BAZ1A: variants seen among roughly 807,000 people sequenced by gnomAD.
The protein encoded by BAZ1A is bromodomain adjacent to zinc finger domain protein 1A.
In BAZ1A, 50 loss-of-function variants were observed where a neutral mutation model predicts 185.2. The observed-to-expected ratio is 0.27, with a 90% confidence interval of 0.22 to 0.34. The LOEUF (loss-of-function observed/expected upper bound fraction) is 0.34. BAZ1A is among the 10% of genes least tolerant of loss of function. BAZ1A has a pLI of 1.00. For synonymous variants in BAZ1A, 571 were observed against 615.6 expected (o/e 0.93, Z 1.07); for missense variants, 1,356 against 1,839.9 (o/e 0.74, Z 4.81).
chr14:34,817,230 A>AC (rs775899899), intron 4 of BAZ1A, among the ~76,000 whole-genome samples: 13,364 of 147,462 alleles, frequency 0.091, 651 homozygotes, highest in East Asian at 0.14. Context: ...AAATCAATAC[A>AC]CCCCCCCCCA....
At chr14:34,796,277 G>C (rs1289708445) in intron 9 of BAZ1A, among the ~76,000 whole-genome samples, 1 of 152,136 alleles carries the variant, frequency 6.6e-6, no homozygotes, top group Non-Finnish European at 1.5e-5. Context: ...AACCCGGGAG[G>C]AGAGGGTTGG....
At chr14:34,756,176 C>T (rs867190811) in intron 25 of BAZ1A, among the ~76,000 whole-genome samples, 4 of 148,534 alleles carry the variant, frequency 2.7e-5, no homozygotes, top group Admixed American at 1.3e-4. Context: ...TGCAGTGGCA[C>T]GATCTCGGCT....
At chr14:34,860,691 G>A (rs1342384464) in intron 3 of BAZ1A, among the ~76,000 whole-genome samples, 2 of 151,960 alleles carry the variant, frequency 1.3e-5, no homozygotes, top group East Asian at 3.9e-4. Flanking sequence ...TGGATCACCT[G>A]AGGACAGGAG....
intron 25 of BAZ1A, among the ~76,000 whole-genome samples, chr14:34,757,731 T>A (rs1006578407): frequency 2.6e-4 from 36 of 141,012 alleles, no homozygotes; most frequent in African/African-American, 8.8e-4. Flanking sequence ...GCTGTCTAAC[T>A]CTATTGTTTT....
intron 7 of BAZ1A, among the ~76,000 whole-genome samples, chr14:34,801,921 A>AAG (rs1478862284): frequency 1.3e-5 from 2 of 151,412 alleles, no homozygotes; most frequent in Non-Finnish European, 2.9e-5. Flanking sequence ...AAAAAAAAAA[A>AAG]GTGTTACTGA....
chr14:34,839,324 T>C (rs2042376416), intron 3 of BAZ1A, among the ~76,000 whole-genome samples: 2 of 151,784 alleles, frequency 1.3e-5, no homozygotes, highest in Admixed American at 6.6e-5. Flanking sequence ...GGCAGGTGGA[T>C]TGCTTGAGCT....
chr14:34,825,132 T>TAA (rs112376703), intron 4 of BAZ1A, among the ~76,000 whole-genome samples: 1,598 of 152,176 alleles, frequency 0.011, 30 homozygotes, highest in African/African-American at 0.037. Context: ...GAATGACTGT[T>TAA]AAAGTACAGA....
intron 12 of BAZ1A, among the ~76,000 whole-genome samples, chr14:34,791,915 CCTA>C (rs1318822405): frequency 6.6e-6 from 1 of 152,140 alleles, no homozygotes; most frequent in East Asian, 1.9e-4. Flanking sequence ...AAGAATTATT[CCTA>C]CATTAACACG....
At chr14:34,788,077 G>C (rs1216535539) in intron 12 of BAZ1A, among the ~76,000 whole-genome samples, 1 of 151,388 alleles carries the variant, frequency 6.6e-6, no homozygotes, top group Non-Finnish European at 1.5e-5. Flanking sequence ...GGAGTGCAGT[G>C]GCGCAGTCTT....
intron 12 of BAZ1A, among the ~76,000 whole-genome samples, chr14:34,790,856 G>T: frequency 6.6e-6 from 1 of 152,178 alleles, no homozygotes; most frequent in Non-Finnish European, 1.5e-5. Context: ...TGGGTGCGGT[G>T]TCTCAAGCTT....
At chr14:34,850,554 A>C (rs574010927) in intron 3 of BAZ1A, among the ~76,000 whole-genome samples, 3 of 152,330 alleles carry the variant, frequency 2.0e-5, no homozygotes, top group African/African-American at 7.2e-5. Context: ...TTTCCTATCC[A>C]GTTTTAGATT....
intron 9 of BAZ1A, among the ~76,000 whole-genome samples, chr14:34,798,408 G>A (rs536010824): frequency 8.5e-5 from 13 of 152,342 alleles, no homozygotes; most frequent in African/African-American, 2.9e-4. Flanking sequence ...GCCTAACTGG[G>A]AGACACCTCC....
chr14:34,808,703 T>C (rs1274433361), intron 5 of BAZ1A, among the ~76,000 whole-genome samples: 1 of 152,164 alleles, frequency 6.6e-6, no homozygotes, highest in Non-Finnish European at 1.5e-5. Flanking sequence ...AAAATTAATA[T>C]TCTAAAACAT....
rs1233409723 is a variant in BAZ1A at position 34,785,854 on chromosome 14, G to C, written c.1754C>G (p.Ala585Gly). The change falls in exon 14 of 27, where the codon GCT becomes GGT. Residue 585 changes from alanine to glycine, a missense_variant. Ala to Gly is a moderately conservative substitution (Grantham distance 60). Around this residue, in one of 7 missense-constraint regions of BAZ1A, gnomAD observed 184 missense variants for 355.1 expected, o/e 0.52. Transcript: ENST00000360310. ...KRGGFDATDD[A>G]CMELRLSNPS... ...ATTGCTCAAACGAAGCTCCATACAA[G>C]CATCATCTGTAGCATCAAATCCTCC... 6.2e-7 allele frequency: 1 copy of C among 1,613,912 alleles called. No homozygotes were observed. The highest frequency in any genetic ancestry group is 8.5e-7 in the Non-Finnish European group (1 of 1,180,030).
rs542597557 is a variant in BAZ1A, at chr14:34,835,701, T to A, written c.393-9545A>T. 2.0e-5 allele frequency among the ~76,000 whole-genome samples: 3 copies of A among 151,498 alleles called. No individual in the cohort carries two copies. In the South Asian group the frequency reaches 6.3e-4, roughly 32 times the overall value. ...TTTTTTTTTTTCCTGAGACAGAGTT[T>A]CTCTCTTGTTGCCAGGCTGGAGTGC... On this transcript the variant is annotated intron_variant, in intron 3 of 26. Transcript: ENST00000360310.
intron 23 of BAZ1A, among the ~76,000 whole-genome samples, chr14:34,764,372 C>T (rs530467783): frequency 8.1e-4 from 118 of 146,078 alleles, no homozygotes; most frequent in Non-Finnish European, 1.2e-3. Context: ...TACCTCACTG[C>T]AACCTCCGCT....
chr14:34,783,012 A>G (rs1880147420), intron 16 of BAZ1A, 107 bp downstream of exon 16: 1 of 889,226 alleles, frequency 1.1e-6, no homozygotes, highest in African/African-American at 1.7e-5. Context: ...ACCTATAATA[A>G]AAAGACAACT....
intron 9 of BAZ1A, 94 bp downstream of exon 9, chr14:34,800,127 AAAG>A: frequency 8.7e-7 from 1 of 1,145,552 alleles, no homozygotes. Context: ...AATGTGAATG[AAAG>A]TAGTAAAAGC....
intron 11 of BAZ1A, among the ~76,000 whole-genome samples, 171 bp from the exon 12 acceptor site, chr14:34,793,092 TTACAATAAAA>T (rs1880954989): frequency 6.6e-6 from 1 of 152,214 alleles, no homozygotes; most frequent in South Asian, 2.1e-4. Flanking sequence ...TTTATAATGA[TTACAATAAAA>T]TACAATAAAA....
Sources: gnomAD v4.1 joint callset for allele counts (sites outside exome capture counted in the v4.1 genomes callset) on GRCh38, gnomAD v4.1.1 for gene constraint, gnomAD v4.1.1 regional missense constraint, MANE v1.5 for transcripts, NCBI Gene and HGNC (gene_info 2026-07-23, HGNC 2026-07-21) for gene names.